The following PHF2 variants were observed in gnomAD, a reference collection of about 807,000 sequenced individuals.
The protein encoded by PHF2 is lysine-specific demethylase PHF2.
A neutral mutation model predicts 120.5 loss-of-function variants in PHF2; 27 were observed. That is an observed-to-expected ratio of 0.22 (90% CI 0.17 to 0.31). The LOEUF (loss-of-function observed/expected upper bound fraction) is 0.31, where lower values mean the gene tolerates loss of function less well. Ranked by LOEUF, PHF2 falls within the 10% of genes least tolerant of loss-of-function variation. The pLI is 1.00. For synonymous variants in PHF2, 568 were observed against 592.5 expected (o/e 0.96, Z 0.60); for missense variants, 1,024 against 1,434.8 (o/e 0.71, Z 4.63).
rs954540982 is a variant in PHF2 at position 93,656,860 on chromosome 9, A to C, written c.1147+265A>C. Among the ~76,000 whole-genome samples the C allele has an allele frequency of 1.3e-5, 2 of 152,174 alleles. No individual in the cohort carries two copies. The highest frequency in any genetic ancestry group is 2.9e-5 in the Non-Finnish European group (2 of 68,022). On this transcript the variant is annotated intron_variant, in intron 9 of 21. Coordinates refer to ENST00000359246, the MANE Select transcript of PHF2 (RefSeq NM_005392.4). This position sits in a 1 kb window ranked among gnomAD's most constrained non-coding sequence, Gnocchi z 4.1. ...TGTGGGTTGAGAGGGGTGAGTGTGCATGGCCTCAGTGCAGGTATCAATCAC... is the reference window on the plus strand; with the variant it reads ...TGTGGGTTGAGAGGGGTGAGTGTGCCTGGCCTCAGTGCAGGTATCAATCAC...
intron 1 of PHF2, among the ~76,000 whole-genome samples, chr9:93,593,586 C>T (rs1825274689): frequency 6.6e-6 from 1 of 152,158 alleles, no homozygotes; most frequent in Admixed American, 6.5e-5. Flanking sequence ...TCCACCATAA[C>T]AAATTTAAAA....
At position 93,648,093 on chromosome 9, in the gene PHF2, C is replaced by T. The variant is rs577695060; in HGVS notation, c.461-978C>T. ...GCCTTTTTACATTTGGCTGTGGAAT[C>T]CAAATTAGACCCCCACATTGCATTT... is the stretch of plus-strand genomic sequence containing the variant. On this transcript the variant is annotated intron_variant, in intron 4 of 21. Coordinates refer to ENST00000359246, the MANE Select transcript of PHF2 (RefSeq NM_005392.4). 2.7e-5 allele frequency among the ~76,000 whole-genome samples: 4 copies of T among 145,800 alleles called. No individual in the cohort carries two copies. In the South Asian group the frequency reaches 8.5e-4, roughly 31 times the overall value.
intron 1 of PHF2, among the ~76,000 whole-genome samples, chr9:93,613,955 G>T (rs968797476): frequency 1.3e-5 from 2 of 152,104 alleles, no homozygotes; most frequent in Non-Finnish European, 2.9e-5. Context: ...TGGACCTGGT[G>T]CTGCTGCCTC....
intron 2 of PHF2, among the ~76,000 whole-genome samples, chr9:93,632,781 CACATCTGTGTGCTGAAT>C (rs1388749582): frequency 6.6e-6 from 1 of 152,196 alleles, no homozygotes; most frequent in Non-Finnish European, 1.5e-5. Context: ...TGTGCATGCA[CACATCTGTGTGCTGAAT>C]GTGCTATATA....
At position 93,612,562 on chromosome 9, in the gene PHF2, A is replaced by G. The variant is rs148247149; in HGVS notation, c.99-17408A>G. Reference sequence around the variant, plus strand: ...GTTTACTTAAAGTCACAAAATCACTAGTCAGGCAGATACGTTTTCATTTTG... The same window carrying G: ...GTTTACTTAAAGTCACAAAATCACTGGTCAGGCAGATACGTTTTCATTTTG... On this transcript the variant is annotated intron_variant, in intron 1 of 21. Coordinates refer to ENST00000359246, the MANE Select transcript of PHF2 (RefSeq NM_005392.4). Among the ~76,000 whole-genome samples, 3 of 152,370 alleles carry G rather than the reference A, an allele frequency of 2.0e-5. No homozygotes were observed. The East Asian group carries it at 5.8e-4, about 29-fold the overall frequency.
chr9:93,676,283 A>G (rs1235762307), intron 20 of PHF2, among the ~76,000 whole-genome samples: 3 of 152,252 alleles, frequency 2.0e-5, no homozygotes, highest in Non-Finnish European at 4.4e-5. Flanking sequence ...TATTAGGATC[A>G]AAGTGAATAT....
intron 17 of PHF2, among the ~76,000 whole-genome samples, chr9:93,669,515 G>A (rs1048964608): frequency 3.3e-5 from 5 of 152,194 alleles, no homozygotes; most frequent in Non-Finnish European, 1.5e-5. Flanking sequence ...TCCCATTGTT[G>A]TGGCTTTCAC....
At chr9:93,645,393 C>T (rs1266569305) in intron 3 of PHF2, among the ~76,000 whole-genome samples, 1 of 152,260 alleles carries the variant, frequency 6.6e-6, no homozygotes, top group African/African-American at 2.4e-5. Context: ...CCATGTGACA[C>T]GTGAGACCCC....
chr9:93,675,838 C>A lies in PHF2; in HGVS notation c.2832+49C>A, dbSNP rs544280346. Reference sequence around the variant, plus strand: ...ACGGCAGCCAGGTCCCTGCTACCCCCACCTGGTGGGCTCAGGTTCCCCAAG... The same window carrying A: ...ACGGCAGCCAGGTCCCTGCTACCCCAACCTGGTGGGCTCAGGTTCCCCAAG... On this transcript the variant is annotated intron_variant, in intron 20 of 21. Transcript: ENST00000359246. 16 of 1,439,990 alleles carry A rather than the reference C, an allele frequency of 1.1e-5. 1 individual carries two copies. The highest frequency in any genetic ancestry group is 5.1e-5 in the Admixed American group (3 of 58,966). The allele number at this position is 1,439,990 out of a possible 1,614,324, so 89.2% of individuals were successfully genotyped here.
At chr9:93,675,928 T>C in intron 20 of PHF2, 139 bp downstream of exon 20, 1 of 632,562 alleles carries the variant, frequency 1.6e-6, no homozygotes, top group South Asian at 1.8e-5. Context: ...CTTGGGGACA[T>C]TTGATTAGAG....
At chr9:93,604,336 C>CT (rs1171344507) in intron 1 of PHF2, among the ~76,000 whole-genome samples, 2,414 of 131,684 alleles carry the variant, frequency 0.018, 26 homozygotes, top group Non-Finnish European at 0.024. Flanking sequence ...AGCGAGACTT[C>CT]TTTTTTTTTT....
intron 7 of PHF2, 84 bp downstream of exon 7, chr9:93,654,659 C>A: frequency 7.5e-7 from 1 of 1,332,570 alleles, no homozygotes; most frequent in Non-Finnish European, 1.1e-6. Context: ...GGACCGTGTC[C>A]CCACCATGGG....
At chr9:93,654,386 G>A (rs760739317) in intron 6 of PHF2, 27 bp from the exon 7 acceptor site, 13 of 1,603,458 alleles carry the variant, frequency 8.1e-6, no homozygotes, top group Middle Eastern at 3.3e-4. Context: ...CAGTATGGGC[G>A]GCTCTGCCAA....
chr9:93,609,646 C>T (rs1409407920), intron 1 of PHF2, among the ~76,000 whole-genome samples: 4 of 151,852 alleles, frequency 2.6e-5, no homozygotes, highest in African/African-American at 9.7e-5. Context: ...GCAATTCTGT[C>T]CTTGCTTCTC....
At chr9:93,587,694 C>T (rs984045991) in intron 1 of PHF2, among the ~76,000 whole-genome samples, 2 of 152,116 alleles carry the variant, frequency 1.3e-5, no homozygotes, top group Admixed American at 6.5e-5. Flanking sequence ...TCTGCCCGAG[C>T]TCCCCCAGTG....
At chr9:93,612,480 A>T (rs1432834682) in intron 1 of PHF2, among the ~76,000 whole-genome samples, 1 of 152,262 alleles carries the variant, frequency 6.6e-6, no homozygotes, top group African/African-American at 2.4e-5. Context: ...ACTACAAGTG[A>T]CATTGCACAG....
At chr9:93,632,535 C>T (rs1461042272) in intron 2 of PHF2, among the ~76,000 whole-genome samples, 1 of 152,096 alleles carries the variant, frequency 6.6e-6, no homozygotes, top group South Asian at 2.1e-4. Flanking sequence ...GTGGTGAGGG[C>T]CTGCTTCTGG....
intron 2 of PHF2, among the ~76,000 whole-genome samples, chr9:93,634,567 C>T (rs964209113): frequency 3.9e-5 from 6 of 152,238 alleles, no homozygotes; most frequent in African/African-American, 1.4e-4. Context: ...CTATCTATGG[C>T]CCTGGCATTG....
At chr9:93,619,801 TA>T (rs1239239093) in intron 1 of PHF2, among the ~76,000 whole-genome samples, 1 of 152,162 alleles carries the variant, frequency 6.6e-6, no homozygotes, top group Non-Finnish European at 1.5e-5. Context: ...TAGCCAGGGT[TA>T]AAAAGGGAAA....
Sources: gnomAD v4.1 joint callset for allele counts (sites outside exome capture counted in the v4.1 genomes callset) on GRCh38, gnomAD v4.1.1 for gene constraint, Gnocchi (gnomAD v3.1) non-coding constraint, MANE v1.5 for transcripts, NCBI Gene and HGNC (gene_info 2026-07-23, HGNC 2026-07-21) for gene names.